The following SUPT20H variants were observed in gnomAD, a reference collection of about 807,000 sequenced individuals.
SUPT20H encodes the protein transcription factor SPT20 homolog.
In SUPT20H, 82 loss-of-function variants were observed where a neutral mutation model predicts 122.8. The observed-to-expected ratio is 0.67, with a 90% CI of 0.56 to 0.80. The LOEUF (loss-of-function observed/expected upper bound fraction) is 0.80, where lower values mean the gene tolerates loss of function less well. Ranked by LOEUF, SUPT20H falls within the 30% of genes least tolerant of loss-of-function variation. SUPT20H has a pLI of 0.00. For synonymous variants in SUPT20H, 291 were observed against 313.0 expected (o/e 0.93, Z 0.74); for missense variants, 831 against 921.6 (o/e 0.90, Z 1.27).
chr13:37,030,126 T>G (rs933935761), intron 12 of SUPT20H, among the ~76,000 whole-genome samples: 2 of 152,224 alleles, frequency 1.3e-5, no homozygotes, highest in African/African-American at 2.4e-5. Flanking sequence ...AGCTGATATG[T>G]TTTTCCTTTA....
rs1431857489 is a variant in SUPT20H at position 37,022,968 on chromosome 13, AAAC to A, written c.1592-891_1592-889del. 6 of 1,249,332 alleles carry A rather than the reference AAAC, an allele frequency of 4.8e-6. No homozygotes were observed. The highest frequency in any genetic ancestry group is 1.1e-4 in the East Asian group (2 of 17,882). 77.4% of individuals were successfully genotyped at this position (1,249,332 alleles called of 1,614,324 possible). ...ATGCACAGTTTATCAATTTTTTAAA[AAAC>A]AAAAACAAAAAACAAAAACCAAAAA... On this transcript the variant is annotated intron_variant, in intron 19 of 25. Transcript: ENST00000350612. The surrounding 1 kb of genome is among the most constrained non-coding windows in gnomAD (Gnocchi z 4.5).
intron 1 of SUPT20H, among the ~76,000 whole-genome samples, chr13:37,052,332 T>C (rs1255869656): frequency 1.3e-5 from 2 of 151,982 alleles, no homozygotes; most frequent in African/African-American, 2.4e-5. Context: ...AAAACAGATA[T>C]ACAGACCAAC....
intron 1 of SUPT20H, among the ~76,000 whole-genome samples, chr13:37,054,540 GA>G (rs1195223733): frequency 6.6e-6 from 1 of 152,208 alleles, no homozygotes; most frequent in Non-Finnish European, 1.5e-5. Context: ...AATAGATGCA[GA>G]AAAGGCCTTT....
At chr13:37,047,232 C>G (rs1438737236) in intron 5 of SUPT20H, 1 of 172,764 alleles carries the variant, frequency 5.8e-6, no homozygotes, top group Non-Finnish European at 1.2e-5. Context: ...GCTATAAACT[C>G]ATAAATCACT....
intron 9 of SUPT20H, among the ~76,000 whole-genome samples, chr13:37,035,932 G>T (rs955025267): frequency 6.6e-6 from 1 of 152,206 alleles, no homozygotes; most frequent in African/African-American, 2.4e-5. Flanking sequence ...TAATGCAGCA[G>T]CAACAGGGTT....
chr13:37,031,040 C>T (rs1370449780), intron 12 of SUPT20H, among the ~76,000 whole-genome samples: 1 of 152,050 alleles, frequency 6.6e-6, no homozygotes, highest in East Asian at 1.9e-4. Flanking sequence ...ATCAAAATAT[C>T]CCTTTTTTGT....
At chr13:37,039,894 TTTA>T (rs1212171186) in intron 9 of SUPT20H, 3 of 152,134 alleles carry the variant, frequency 2.0e-5, no homozygotes, top group Non-Finnish European at 4.4e-5. Context: ...GTTTATATTT[TTTA>T]TTATTATCTT....
intron 9 of SUPT20H, among the ~76,000 whole-genome samples, chr13:37,036,261 T>C (rs1463856537): frequency 6.6e-6 from 1 of 152,146 alleles, no homozygotes; most frequent in African/African-American, 2.4e-5. Context: ...GCACCCTTAA[T>C]AGACTACAGT....
chr13:37,025,719 A>T (rs1287427909), intron 16 of SUPT20H: 1 of 302,326 alleles, frequency 3.3e-6, no homozygotes, highest in Non-Finnish European at 6.1e-6. Context: ...AGTAATAAGC[A>T]GCCAAAGAAA....
chr13:37,029,304 G>A lies in SUPT20H; in HGVS notation c.993+461C>T, dbSNP rs144310954. ...AGTACTTTGGGAGGCCAAGGTGGGC[G>A]GATCACCTGAGATCGGGAGTTCGAG... On this transcript the variant is annotated intron_variant, in intron 13 of 25. Transcript: ENST00000350612. Among the ~76,000 whole-genome samples the A allele has an allele frequency of 3.4e-3, 524 of 152,276 alleles. 2 individuals carry two copies. Among genetic ancestry groups the A allele is most frequent in the African/African-American group, 5.8e-3 (242 of 41,556 alleles).
chr13:37,059,466 T>G (rs1481754990), intron 1 of SUPT20H, 93 bp downstream of exon 1: 5 of 152,236 alleles, frequency 3.3e-5, no homozygotes, highest in African/African-American at 4.8e-5. Context: ...GGCTCTGGGA[T>G]GCGGCCCGCT....
At chr13:37,030,030 A>G (rs1236062633) in intron 12 of SUPT20H, among the ~76,000 whole-genome samples, 194 bp from the exon 13 acceptor site, 1 of 152,240 alleles carries the variant, frequency 6.6e-6, no homozygotes, top group East Asian at 1.9e-4. Context: ...TGTATAAAAC[A>G]ACTTTAATAA....
At chr13:37,056,128 A>C (rs1018958181) in intron 1 of SUPT20H, among the ~76,000 whole-genome samples, 1 of 152,210 alleles carries the variant, frequency 6.6e-6, no homozygotes, top group Non-Finnish European at 1.5e-5. Context: ...GGTGCTGGAG[A>C]GGATGTGGAG....
intron 5 of SUPT20H, among the ~76,000 whole-genome samples, chr13:37,045,861 A>T (rs1353480255): frequency 6.6e-6 from 1 of 152,140 alleles, no homozygotes; most frequent in Non-Finnish European, 1.5e-5. Context: ...CAACAGCTCT[A>T]AGCTGAAATG....
chr13:37,052,396 C>T (rs2067938274), intron 1 of SUPT20H, among the ~76,000 whole-genome samples: 1 of 152,150 alleles, frequency 6.6e-6, no homozygotes, highest in South Asian at 2.1e-4. Flanking sequence ...TAATCTTTGA[C>T]AAACCTGACA....
intron 16 of SUPT20H, 62 bp from the exon 17 acceptor site, chr13:37,025,499 T>C (rs2062092200): frequency 2.6e-6 from 3 of 1,154,806 alleles, no homozygotes; most frequent in Non-Finnish European, 3.8e-6. Context: ...AAATTTATTT[T>C]ATAGGAAAGA....
chr13:37,052,332 T>A (rs1255869656), intron 1 of SUPT20H, among the ~76,000 whole-genome samples: 2 of 151,982 alleles, frequency 1.3e-5, no homozygotes, highest in Non-Finnish European at 2.9e-5. Context: ...AAAACAGATA[T>A]ACAGACCAAC....
rs538492102 is a variant in SUPT20H, at chr13:37,009,667, A to C, written c.*5T>G. On this transcript the variant is annotated 3_prime_UTR_variant, in exon 26 of 26. Transcript: ENST00000350612. ...TTAAAAAAGGAACAAAAAGTAATGC[A>C]AGACTCAAAATTTTGGAGTGGTTGG... is the stretch of plus-strand genomic sequence containing the variant. 1.9e-6 allele frequency: 3 copies of C among 1,613,376 alleles called. No homozygotes were observed. In the South Asian group the frequency reaches 3.3e-5, roughly 18 times the overall value.
chr13:37,029,368 A>G (rs2062896634), intron 13 of SUPT20H, among the ~76,000 whole-genome samples: 2 of 152,046 alleles, frequency 1.3e-5, no homozygotes, highest in African/African-American at 4.8e-5. Flanking sequence ...GTCTCTACTA[A>G]AAATACAAAA....
Sources: gnomAD v4.1 joint callset for allele counts (sites outside exome capture counted in the v4.1 genomes callset) on GRCh38, gnomAD v4.1.1 for gene constraint, Gnocchi (gnomAD v3.1) non-coding constraint, MANE v1.5 for transcripts, NCBI Gene and HGNC (gene_info 2026-07-23, HGNC 2026-07-21) for gene names.